Variants in GNPTAB observed in about 807,000 individuals in gnomAD.
GNPTAB encodes the protein N-acetylglucosamine-1-phosphotransferase subunits alpha/beta.
In GNPTAB, 92 loss-of-function variants were observed where a neutral mutation model predicts 136.6. That is an observed-to-expected ratio of 0.67 (90% confidence interval 0.57 to 0.80). GNPTAB has a LOEUF of 0.80. Ranked by LOEUF, GNPTAB falls within the 30% of genes least tolerant of loss-of-function variation. The pLI, the probability that GNPTAB is intolerant of heterozygous loss-of-function variation, is 0.00. For synonymous variants in GNPTAB, 512 were observed against 535.1 expected (o/e 0.96, Z 0.60); for missense variants, 1,343 against 1,501.8 (o/e 0.89, Z 1.75).
chr12:101,802,985 G>C (rs1243144501), intron 1 of GNPTAB, among the ~76,000 whole-genome samples: 1 of 152,026 alleles, frequency 6.6e-6, no homozygotes, highest in Non-Finnish European at 1.5e-5. Flanking sequence ...GCCAGGACTC[G>C]AAAAGAGTGC....
intron 5 of GNPTAB, among the ~76,000 whole-genome samples, chr12:101,783,908 G>T (rs1333748557): frequency 6.6e-6 from 1 of 151,310 alleles, no homozygotes; most frequent in Non-Finnish European, 1.5e-5. Flanking sequence ...TGTAGAGACA[G>T]GGTTTTGCCA....
intron 2 of GNPTAB, among the ~76,000 whole-genome samples, chr12:101,792,452 T>C (rs192201172): frequency 2.0e-5 from 3 of 152,374 alleles, no homozygotes. Flanking sequence ...GTTTCACCAC[T>C]GCCTGCAGAA....
intron 1 of GNPTAB, among the ~76,000 whole-genome samples, chr12:101,824,432 A>ATATATATATATATATATT (rs1188582277): frequency 1.8e-4 from 9 of 50,870 alleles, no homozygotes; most frequent in African/African-American, 2.5e-4. Flanking sequence ...ATATATATAT[A>ATATATATATATATATATT]TTTTCTTTTT....
At chr12:101,793,045 T>TC (rs1869081192) in intron 2 of GNPTAB, among the ~76,000 whole-genome samples, 1 of 152,200 alleles carries the variant, frequency 6.6e-6, no homozygotes, top group African/African-American at 2.4e-5. Flanking sequence ...TCGCTTTTTT[T>TC]CCCCACTAAA....
intron 20 of GNPTAB, 118 bp from the exon 21 acceptor site, chr12:101,747,359 A>G (rs956712832): frequency 1.5e-5 from 10 of 679,784 alleles, no homozygotes; most frequent in Admixed American, 4.4e-5. Flanking sequence ...TATACATTAA[A>G]AAGACAACAA....
At chr12:101,749,641 G>C (rs954789434) in intron 19 of GNPTAB, among the ~76,000 whole-genome samples, 3 of 152,210 alleles carry the variant, frequency 2.0e-5, no homozygotes, top group African/African-American at 7.2e-5. Flanking sequence ...ACAGAAATAT[G>C]CATTATCAAA....
At chr12:101,769,755 G>A (rs1566077112) in intron 10 of GNPTAB, among the ~76,000 whole-genome samples, 1 of 150,708 alleles carries the variant, frequency 6.6e-6, no homozygotes, top group Non-Finnish European at 1.5e-5. Context: ...CAACACCCAA[G>A]CAGCTGGGAC....
At chr12:101,799,341 G>A (rs1869479298) in intron 1 of GNPTAB, among the ~76,000 whole-genome samples, 1 of 152,190 alleles carries the variant, frequency 6.6e-6, no homozygotes, top group Non-Finnish European at 1.5e-5. Flanking sequence ...AAGATAACAG[G>A]AGATGCACCT....
intron 7 of GNPTAB, among the ~76,000 whole-genome samples, chr12:101,776,122 C>T (rs182372106): frequency 6.6e-4 from 100 of 152,340 alleles, no homozygotes; most frequent in African/African-American, 2.3e-3. Flanking sequence ...TGCACACTCA[C>T]TCAACAACTA....
intron 11 of GNPTAB, among the ~76,000 whole-genome samples, chr12:101,767,719 C>T (rs1953115433): frequency 6.6e-6 from 1 of 152,136 alleles, no homozygotes; most frequent in South Asian, 2.1e-4. Context: ...AACTCCTAGG[C>T]TCAAATGATC....
intron 1 of GNPTAB, among the ~76,000 whole-genome samples, chr12:101,819,969 C>T (rs1870713312): frequency 6.6e-6 from 1 of 152,140 alleles, no homozygotes; most frequent in South Asian, 2.1e-4. Context: ...ACTGTGAGTT[C>T]TCCTGTTCTG....
In GNPTAB at chr12:101,745,777, T is replaced by C. The variant is rs1220762035; in HGVS notation, c.*1387A>G. 6.6e-6 allele frequency: 1 copy of C among 152,264 alleles called. No homozygotes were observed. 9.4% of individuals were successfully genotyped at this position (152,264 alleles called of 1,614,324 possible). A position where few individuals can be genotyped will look rare whatever the true frequency, so the allele number is the denominator to read the frequency against. On this transcript the variant is annotated 3_prime_UTR_variant, in exon 21 of 21. Coordinates refer to ENST00000299314, the MANE Select transcript of GNPTAB (RefSeq NM_024312.5). ...GGCTGGGTGCACTGGCTTATGCCTG[T>C]AATCTCAGCACTTTGGGAGGCAGAG...
chr12:101,824,082 C>A (rs540882000), intron 1 of GNPTAB, among the ~76,000 whole-genome samples: 2 of 152,254 alleles, frequency 1.3e-5, no homozygotes, highest in South Asian at 4.2e-4. Flanking sequence ...TCAGTTGAGA[C>A]TGACAGCCCC....
At chr12:101,815,751 T>C (rs1031092875) in intron 1 of GNPTAB, among the ~76,000 whole-genome samples, 1 of 152,158 alleles carries the variant, frequency 6.6e-6, no homozygotes, top group Non-Finnish European at 1.5e-5. Flanking sequence ...CCTGAAAGAC[T>C]GCAAAAAGAA....
At chr12:101,759,771 T>C (rs753282523) in intron 16 of GNPTAB, among the ~76,000 whole-genome samples, 1 of 152,228 alleles carries the variant, frequency 6.6e-6, no homozygotes, top group African/African-American at 2.4e-5. Flanking sequence ...CTGGGGCTAT[T>C]TTCTGTCACC....
intron 5 of GNPTAB, chr12:101,785,790 C>T (rs1193643807): frequency 3.8e-6 from 2 of 526,842 alleles, no homozygotes; most frequent in East Asian, 6.6e-5. Context: ...GTCCTCATCA[C>T]AGCACAGAAA....
At chr12:101,802,703 G>T (rs952925238) in intron 1 of GNPTAB, among the ~76,000 whole-genome samples, 12 of 152,146 alleles carry the variant, frequency 7.9e-5, no homozygotes, top group African/African-American at 2.9e-4. Flanking sequence ...TGTATTTAAA[G>T]AAAATGTTGA....
At chr12:101,830,253 G>A (rs181584126) in intron 1 of GNPTAB, among the ~76,000 whole-genome samples, 15 of 152,140 alleles carry the variant, frequency 9.9e-5, no homozygotes, top group African/African-American at 3.1e-4. Context: ...GTGGGCGAGG[G>A]AGCAATATCT....
Position 101,780,160 on chromosome 12 carries a change from CTTTAGAGGAAAGA to C in GNPTAB, c.750_762del (p.Asn250LysfsTer13). 6.2e-7 allele frequency: 1 copy of C among 1,613,306 alleles called. No individual in the cohort carries two copies. On this transcript the variant is annotated frameshift_variant, in exon 7 of 21. Coordinates refer to ENST00000299314, the MANE Select transcript of GNPTAB (RefSeq NM_024312.5). LOFTEE classifies it high-confidence loss of function. ...ATTTTCTATGTTCTTACCAGTTTGACTTTAGAGGAAAGATTTTCTGGCAATTTTGTTTTTAGTT... is the reference window on the plus strand; with the variant it reads ...ATTTTCTATGTTCTTACCAGTTTGACTTTTCTGGCAATTTTGTTTTTAGTT...
Sources: gnomAD v4.1 joint callset for allele counts (sites outside exome capture counted in the v4.1 genomes callset) on GRCh38, gnomAD v4.1.1 for gene constraint, MANE v1.5 for transcripts, NCBI Gene and HGNC (gene_info 2026-07-23, HGNC 2026-07-21) for gene names.